The following PSMA6 variants were observed in gnomAD, a reference collection of about 807,000 sequenced individuals.
PSMA6 encodes the protein proteasome 20S subunit alpha 6, also known as proteasome subunit alpha type-6.
For synonymous variants in PSMA6, 88 were observed against 97.7 expected (o/e 0.90, Z 0.59); for missense variants, 170 against 294.8 (o/e 0.58, Z 3.10).
At chr14:35,311,123 C>A in intron 4 of PSMA6, 1 of 400,678 alleles carries the variant, frequency 2.5e-6, no homozygotes, top group East Asian at 4.8e-5. Flanking sequence ...CAAAGTATTT[C>A]CATTTGGTGT....
At chr14:35,310,988 G>T in intron 4 of PSMA6, 93 bp downstream of exon 4, 1 of 1,290,886 alleles carries the variant, frequency 7.7e-7, no homozygotes, top group African/African-American at 1.5e-5. Context: ...CTTGAGTTCT[G>T]AACATGTGGT....
intron 1 of PSMA6, among the ~76,000 whole-genome samples, chr14:35,295,653 T>C (rs1437263407): frequency 6.6e-6 from 1 of 152,098 alleles, no homozygotes; most frequent in Non-Finnish European, 1.5e-5. Flanking sequence ...GGTTTCACCA[T>C]GTTGGTCTGG....
chr14:35,299,821 T>C (rs1347193501), intron 1 of PSMA6, among the ~76,000 whole-genome samples: 3 of 152,190 alleles, frequency 2.0e-5, no homozygotes, highest in Non-Finnish European at 2.9e-5. Flanking sequence ...AAATGGGGAT[T>C]CATTTATACA....
intron 5 of PSMA6, chr14:35,313,292 G>T: frequency 2.5e-6 from 1 of 404,336 alleles, no homozygotes; most frequent in Non-Finnish European, 4.3e-6. Flanking sequence ...CATATAATAG[G>T]AAAATATAAA....
chr14:35,294,125 A>G (rs1303890681), intron 1 of PSMA6, among the ~76,000 whole-genome samples: 2 of 152,182 alleles, frequency 1.3e-5, no homozygotes, highest in Non-Finnish European at 2.9e-5. Context: ...GCTCCCCGCA[A>G]TCTCCGCCTC....
chr14:35,293,498 G>A (rs1028123879), intron 1 of PSMA6, among the ~76,000 whole-genome samples: 1 of 152,148 alleles, frequency 6.6e-6, no homozygotes, highest in Non-Finnish European at 1.5e-5. Context: ...TCCGTGTCTT[G>A]CACAGTAATA....
intron 1 of PSMA6, among the ~76,000 whole-genome samples, chr14:35,302,221 G>T (rs898667563): frequency 3.9e-5 from 6 of 152,006 alleles, no homozygotes; most frequent in African/African-American, 1.4e-4. Context: ...GACTTAGCTG[G>T]TTTTTCTCTT....
intron 1 of PSMA6, among the ~76,000 whole-genome samples, chr14:35,302,297 A>G (rs2051729402): frequency 6.6e-6 from 1 of 152,166 alleles, no homozygotes; most frequent in South Asian, 2.1e-4. Flanking sequence ...TTCTGGGCTC[A>G]AGCGATCCTC....
chr14:35,314,290 T>A (rs1268618214), intron 5 of PSMA6, 71 bp from the exon 6 acceptor site: 1 of 1,396,492 alleles, frequency 7.2e-7, no homozygotes, highest in Non-Finnish European at 9.4e-7. Context: ...ATGATTTGAA[T>A]AAGCTAGGAA....
At chr14:35,308,861 A>G (rs1180436098) in intron 2 of PSMA6, 53 bp from the exon 3 acceptor site, 4 of 1,343,320 alleles carry the variant, frequency 3.0e-6, no homozygotes, top group Non-Finnish European at 3.2e-6. Context: ...TTATAACTAC[A>G]CAGAAACCTG....
Position 35,285,923 on chromosome 14 carries a change from A to G in PSMA6, c.19+7205A>G, listed in dbSNP as rs375738946. Among the ~76,000 whole-genome samples, 34 of 152,352 alleles carry G rather than the reference A, an allele frequency of 2.2e-4. No homozygotes were observed. The South Asian group carries it at 7.0e-3, about 32-fold the overall frequency. On this transcript the variant is annotated intron_variant, in intron 1 of 6. Transcript: ENST00000540871. Reference sequence around the variant, plus strand: ...GACAGAGTGAGTTTCACTTCTGAATAATAGCAGTGTGCAGTGCAGGCCCAT... The same window carrying G: ...GACAGAGTGAGTTTCACTTCTGAATGATAGCAGTGTGCAGTGCAGGCCCAT...
At position 35,308,984 on chromosome 14, in the gene PSMA6, C is replaced by T; in HGVS notation, c.242C>T (p.Thr81Ile). Residue 81 changes from threonine to isoleucine, a missense_variant, in exon 3 of 7, where the codon ACC becomes ATC. Transcript: ENST00000261479. ...ACTGAAAACATTGGTTGTGTGATGA[C>T]CGGAATGACAGGTAATTAATCTGTA... ...KITENIGCVM[T>I]GMTADSRSQV... is the part of the protein sequence containing the mutation. 2 of 1,602,650 alleles carry T rather than the reference C, an allele frequency of 1.2e-6. No individual in the cohort carries two copies. The highest frequency in any genetic ancestry group is 1.7e-6 in the Non-Finnish European group (2 of 1,170,768).
chr14:35,307,106 C>T (rs2051843409), intron 1 of PSMA6, among the ~76,000 whole-genome samples: 1 of 152,108 alleles, frequency 6.6e-6, no homozygotes, highest in Admixed American at 6.5e-5. Flanking sequence ...CAAGATCGTG[C>T]CACCTCACTC....
intron 1 of PSMA6, among the ~76,000 whole-genome samples, chr14:35,298,279 T>C (rs112106731): frequency 0.12 from 18,486 of 152,000 alleles, 1,247 homozygotes; most frequent in Middle Eastern, 0.17. Context: ...AACCTAAGTT[T>C]AGGTGTTCAA....
intron 1 of PSMA6, among the ~76,000 whole-genome samples, chr14:35,297,086 G>A (rs543959396): frequency 4.0e-5 from 5 of 125,502 alleles, no homozygotes. Context: ...TTAGGGAAAA[G>A]CAAATAAGTA....
chr14:35,281,971 G>C (rs940637391), intron 1 of PSMA6, among the ~76,000 whole-genome samples: 1 of 152,038 alleles, frequency 6.6e-6, no homozygotes, highest in Non-Finnish European at 1.5e-5. Flanking sequence ...CTTTCCTCCA[G>C]CTCTTTCCCA....
At chr14:35,302,090 C>T (rs1433228494) in intron 1 of PSMA6, among the ~76,000 whole-genome samples, 1 of 151,832 alleles carries the variant, frequency 6.6e-6, no homozygotes, top group Non-Finnish European at 1.5e-5. Flanking sequence ...CCTCTGCCTG[C>T]TTTTGCCATA....
chr14:35,307,937 A>G lies in PSMA6; in HGVS notation c.77-57A>G, dbSNP rs1038624200. The G allele has an allele frequency of 3.2e-5, 48 of 1,511,640 alleles. No individual in the cohort carries two copies. The African/African-American group carries it at 4.4e-4, about 14-fold the overall frequency. The allele number at this position is 1,511,640 out of a possible 1,614,324, so 93.6% of individuals were successfully genotyped here. ...CATTCTTTTTAATGACTATTATTTC[A>G]TTGCAAGAATCTACAGTAATTTATT... On this transcript the variant is annotated intron_variant, in intron 1 of 6. Transcript: ENST00000261479.
intron 1 of PSMA6, chr14:35,278,815 C>T (rs2051333520): frequency 7.8e-6 from 11 of 1,419,318 alleles, no homozygotes; most frequent in Admixed American, 2.0e-5. Context: ...TTACAATGAC[C>T]TTGCTCTAGA....
Sources: allele counts gnomAD v4.1 joint callset (sites outside exome capture counted in the v4.1 genomes callset), GRCh38; gene constraint gnomAD v4.1.1; transcripts MANE v1.5; gene names NCBI Gene and HGNC (gene_info 2026-07-23, HGNC 2026-07-21).